The following RGS18 variants were observed in gnomAD, a reference collection of about 807,000 sequenced individuals.
RGS18 encodes regulator of G-protein signaling 18.
RGS18 carries 22 observed loss-of-function variants against 27.6 expected under a neutral mutation model. The observed-to-expected ratio is 0.80, with a 90% confidence interval of 0.57 to 1.14. The LOEUF (loss-of-function observed/expected upper bound fraction) is 1.14. Among genes scored for constraint, RGS18 ranks in the 50% most tolerant of loss-of-function variants. The probability of loss-of-function intolerance (pLI) is 0.00; values close to 1 mark genes in which losing one functional copy is unlikely to be tolerated. For missense variants in RGS18, 299 were observed against 269.6 expected (o/e 1.11, Z -0.76); for synonymous variants, 89 against 84.6 (o/e 1.05, Z -0.29).
rs1656533463 is a variant in RGS18 at position 192,185,523 on chromosome 1, A to C, written c.*969A>C. On this transcript the variant is annotated 3_prime_UTR_variant, in exon 5 of 5. Transcript: ENST00000367460. Reference sequence around the variant, plus strand: ...TCTGCCACATTGGTTCATATTCAGAAAGTGTTATCTCATTGATTATATTCT... The same window carrying C: ...TCTGCCACATTGGTTCATATTCAGACAGTGTTATCTCATTGATTATATTCT... 1 of 151,618 alleles carries C rather than the reference A, an allele frequency of 6.6e-6. No homozygotes were observed. Among genetic ancestry groups the C allele is most frequent in the African/African-American group, 2.4e-5 (1 of 41,366 alleles). 9.4% of individuals were successfully genotyped at this position (151,618 alleles called of 1,614,324 possible).
At chr1:192,173,070 C>G (rs1440404751) in intron 3 of RGS18, among the ~76,000 whole-genome samples, 4 of 151,358 alleles carry the variant, frequency 2.6e-5, no homozygotes, top group African/African-American at 9.7e-5. Context: ...TGCAAAACCT[C>G]TTAGTTATTA....
intron 3 of RGS18, among the ~76,000 whole-genome samples, chr1:192,171,065 T>A (rs923595144): frequency 7.9e-5 from 12 of 152,294 alleles, no homozygotes; most frequent in Middle Eastern, 3.4e-3. Flanking sequence ...TGTTGTTCAC[T>A]TTGGCAATTA....
chr1:192,165,276 C>A lies in RGS18; in HGVS notation c.283+4837C>A, dbSNP rs578171281. Among the ~76,000 whole-genome samples, 36 of 152,292 alleles carry A rather than the reference C, an allele frequency of 2.4e-4. No homozygotes were observed. The South Asian group carries it at 2.7e-3, about 11-fold the overall frequency. On this transcript the variant is annotated intron_variant, in intron 3 of 4. Transcript: ENST00000367460. Reference sequence around the variant, plus strand: ...CTGGTGAATTCTAGACAGACTGGTACTCTGCTCTTGAACCCTGTTTCCTGT... The same window carrying A: ...CTGGTGAATTCTAGACAGACTGGTAATCTGCTCTTGAACCCTGTTTCCTGT...
At chr1:192,164,874 G>A (rs901029491) in intron 3 of RGS18, among the ~76,000 whole-genome samples, 1 of 152,112 alleles carries the variant, frequency 6.6e-6, no homozygotes, top group Non-Finnish European at 1.5e-5. Context: ...ACCCTGTGAT[G>A]ATTGCGTTAA....
At chr1:192,173,438 G>A (rs964326119) in intron 3 of RGS18, among the ~76,000 whole-genome samples, 9 of 151,652 alleles carry the variant, frequency 5.9e-5, no homozygotes, top group Non-Finnish European at 1.3e-4. Flanking sequence ...TCAAGTTTTG[G>A]TATTAGAATT....
At chr1:192,183,193 T>C (rs1419055018) in intron 4 of RGS18, among the ~76,000 whole-genome samples, 1 of 151,584 alleles carries the variant, frequency 6.6e-6, no homozygotes, top group African/African-American at 2.4e-5. Flanking sequence ...TATTGTGTTA[T>C]GGACAAGGGG....
intron 3 of RGS18, among the ~76,000 whole-genome samples, chr1:192,179,111 GTATGAACTAGGAGA>G (rs1215214113): frequency 6.6e-6 from 1 of 151,540 alleles, no homozygotes; most frequent in African/African-American, 2.4e-5. Flanking sequence ...CAATCACACA[GTATGAACTAGGAGA>G]TATGCCATCC....
intron 3 of RGS18, among the ~76,000 whole-genome samples, chr1:192,174,520 G>A (rs934041126): frequency 6.6e-6 from 1 of 151,840 alleles, no homozygotes; most frequent in Non-Finnish European, 1.5e-5. Context: ...AGCAGAATTA[G>A]AATCTATACC....
intron 3 of RGS18, among the ~76,000 whole-genome samples, chr1:192,165,139 C>T (rs1357644818): frequency 6.6e-6 from 1 of 152,106 alleles, no homozygotes; most frequent in African/African-American, 2.4e-5. Context: ...CCGGGGAGGC[C>T]TCTAAAATGG....
At position 192,178,121 on chromosome 1, in the gene RGS18, T is replaced by G. The variant is rs904277877; in HGVS notation, c.284-3171T>G. ...GATATATGAAAGGGGAATTTTTTTT[T>G]AAGATTTGATTATCAGCTATGTGTG... On this transcript the variant is annotated intron_variant, in intron 3 of 4. Transcript: ENST00000367460. Among the ~76,000 whole-genome samples the G allele has an allele frequency of 4.0e-5, 6 of 151,648 alleles. No homozygotes were observed. The South Asian group carries it at 1.2e-3, about 31-fold the overall frequency.
At chr1:192,181,507 T>A (rs1402399740) in intron 4 of RGS18, 49 bp downstream of exon 4, 2 of 1,234,612 alleles carry the variant, frequency 1.6e-6, no homozygotes, top group Non-Finnish European at 1.1e-6. Flanking sequence ...CAAAATTTTT[T>A]AATAATTTTA....
At chr1:192,160,851 T>C (rs1489392616) in intron 3 of RGS18, among the ~76,000 whole-genome samples, 2 of 152,148 alleles carry the variant, frequency 1.3e-5, no homozygotes, top group Non-Finnish European at 1.5e-5. Context: ...TTTTGTTTGT[T>C]TGTTTTTGTT....
intron 3 of RGS18, chr1:192,168,444 T>G (rs966382562): frequency 3.3e-5 from 5 of 152,162 alleles, no homozygotes; most frequent in African/African-American, 1.2e-4. Context: ...TTCTTGATAT[T>G]AGTACGCTGA....
At chr1:192,160,733 CA>C in intron 3 of RGS18, 1 of 335,310 alleles carries the variant, frequency 3.0e-6, no homozygotes, top group Non-Finnish European at 5.4e-6. Context: ...TCGGTTTTAT[CA>C]AATTCATGAT....
chr1:192,160,886 T>G (rs773431644), intron 3 of RGS18, among the ~76,000 whole-genome samples: 2 of 152,240 alleles, frequency 1.3e-5, no homozygotes, highest in Non-Finnish European at 2.9e-5. Context: ...GGAGTCTCGC[T>G]TTGTCGCCCA....
Position 192,178,718 on chromosome 1 carries a change from T to C in RGS18, c.284-2574T>C, listed in dbSNP as rs140727481. On this transcript the variant is annotated intron_variant, in intron 3 of 4. Coordinates refer to ENST00000367460, the MANE Select transcript of RGS18 (RefSeq NM_130782.3). ...ATAGAGGGGATTAAGAGACTAAGTG[T>C]AGAAAACTTAATCAAAGATTTTATA... Among the ~76,000 whole-genome samples, 76 of 151,744 alleles carry C rather than the reference T, an allele frequency of 5.0e-4. No individual in the cohort carries two copies. In the East Asian group the frequency reaches 0.015, roughly 29 times the overall value.
In RGS18 at chr1:192,158,585, A is replaced by G. The variant is rs1192615372; in HGVS notation, c.-53A>G. ...TATATGTATGGAATAGTATTAATAA[A>G]TGAACTAGGGAAGGATGTAATAAAT... is the stretch of plus-strand genomic sequence containing the variant. On this transcript the variant is annotated 5_prime_UTR_variant, in exon 1 of 5. An upstream start codon of the reference 5' UTR is lost. Coordinates refer to ENST00000367460, the MANE Select transcript of RGS18 (RefSeq NM_130782.3). 5 of 1,444,128 alleles carry G rather than the reference A, an allele frequency of 3.5e-6. No individual in the cohort carries two copies. The highest frequency in any genetic ancestry group is 3.7e-6 in the Non-Finnish European group (4 of 1,080,916). The allele number at this position is 1,444,128 out of a possible 1,614,324, so 89.5% of individuals were successfully genotyped here.
chr1:192,170,256 A>G (rs919692886), intron 3 of RGS18, among the ~76,000 whole-genome samples: 2 of 152,146 alleles, frequency 1.3e-5, no homozygotes, highest in African/African-American at 4.8e-5. Context: ...CTGAAATGTG[A>G]CCTCTGAAGC....
rs1656518146 is a variant in RGS18, at chr1:192,184,782, A to G, written c.*228A>G. On this transcript the variant is annotated 3_prime_UTR_variant, in exon 5 of 5. Transcript: ENST00000367460. ...CATTCCATTTATAATCAGAAAAAAA[A>G]CTTATTTCTTAATCAAAAGGCAGTA... The G allele has an allele frequency of 1.2e-5, 5 of 429,336 alleles. No individual in the cohort carries two copies. In the East Asian group the frequency reaches 1.5e-4, roughly 12 times the overall value. 26.6% of individuals were successfully genotyped at this position (429,336 alleles called of 1,614,324 possible).
Sources: allele counts gnomAD v4.1 joint callset (sites outside exome capture counted in the v4.1 genomes callset), GRCh38; gene constraint gnomAD v4.1.1; transcripts MANE v1.5; gene names NCBI Gene and HGNC (gene_info 2026-07-23, HGNC 2026-07-21).